Variants in ST7 observed in about 807,000 individuals in gnomAD.
The protein encoded by ST7 is suppressor of tumorigenicity 7 protein.
ST7 carries 28 observed loss-of-function variants against 78.7 expected under a neutral mutation model. The ratio of observed to expected loss-of-function variants is 0.36; its 90% CI spans 0.26 to 0.49. The LOEUF (loss-of-function observed/expected upper bound fraction) is 0.49. Among genes scored for constraint, ST7 ranks in the 20% least tolerant of loss-of-function variants. ST7 has a pLI of 0.99. For synonymous variants in ST7, 247 were observed against 249.6 expected, an observed-to-expected ratio of 0.99 and a Z score of 0.10; for missense variants, 418 against 696.0, an observed-to-expected ratio of 0.60 and a Z score of 4.49.
chr7:117,057,551 C>A (rs543876401), intron 1 of ST7, among the ~76,000 whole-genome samples: 31 of 152,254 alleles, frequency 2.0e-4, no homozygotes, highest in Non-Finnish European at 3.1e-4. Context: ...GAGTTATGTG[C>A]TAACGTGTTT....
chr7:117,074,433 C>A (rs983820674), intron 1 of ST7, among the ~76,000 whole-genome samples: 4 of 152,066 alleles, frequency 2.6e-5, no homozygotes, highest in Non-Finnish European at 5.9e-5. Context: ...GTTTAGATAG[C>A]GGATCTTTTC....
chr7:117,018,111 G>A lies in ST7; in HGVS notation c.151+64420G>A, dbSNP rs146485477. Among the ~76,000 whole-genome samples the A allele has an allele frequency of 4.5e-3, 689 of 152,172 alleles. 3 individuals are homozygous for A. Among genetic ancestry groups the A allele is most frequent in the Non-Finnish European group, 7.4e-3 (500 of 67,978 alleles). ...ACAAAAGGAGCAACATAAATGAGTC[G>A]GCAAAGCAGTTATTACATGTAGACC... On this transcript the variant is annotated intron_variant, in intron 1 of 15. Transcript: ENST00000323984.
In ST7 at chr7:117,089,904, AC is replaced by A. The variant is rs78107304; in HGVS notation, c.152-9857del. Among the ~76,000 whole-genome samples the A allele has an allele frequency of 9.3e-3, 1,422 of 152,278 alleles. 59 individuals are homozygous for A. Among genetic ancestry groups the A allele is most frequent in the Admixed American group, 0.069 (1,062 of 15,298 alleles). ...TTTTAAAAAACTTTCTTGCATGCTA[AC>A]ACAGTACTGTAGTTTACATTCATTT... On this transcript the variant is annotated intron_variant, in intron 1 of 15. Transcript: ENST00000323984.
At chr7:117,172,890 T>C (rs1808102565) in intron 10 of ST7, among the ~76,000 whole-genome samples, 1 of 152,224 alleles carries the variant, frequency 6.6e-6, no homozygotes, top group Non-Finnish European at 1.5e-5. Flanking sequence ...TTCATGAAGA[T>C]CTCCATTTGT....
intron 1 of ST7, among the ~76,000 whole-genome samples, chr7:116,983,429 A>T (rs753281598): frequency 5.9e-5 from 9 of 151,968 alleles, no homozygotes; most frequent in Non-Finnish European, 1.2e-4. Flanking sequence ...TCTGGCTCTG[A>T]TATCACATGC....
chr7:117,021,866 T>C (rs1250196916), intron 1 of ST7, among the ~76,000 whole-genome samples: 1 of 152,214 alleles, frequency 6.6e-6, no homozygotes, highest in African/African-American at 2.4e-5. Context: ...TAATGGTACA[T>C]TTAGAATTGG....
At chr7:117,204,526 A>T (rs184359642) in intron 12 of ST7, among the ~76,000 whole-genome samples, 7 of 152,272 alleles carry the variant, frequency 4.6e-5, no homozygotes, top group Admixed American at 3.9e-4. Flanking sequence ...TGTCTACCTC[A>T]TTCTCCATCA....
At chr7:116,995,823 A>G (rs1794626248) in intron 1 of ST7, among the ~76,000 whole-genome samples, 1 of 152,168 alleles carries the variant, frequency 6.6e-6, no homozygotes, top group African/African-American at 2.4e-5. Context: ...GAAAACGTCA[A>G]TTTTTATATG....
intron 1 of ST7, among the ~76,000 whole-genome samples, chr7:116,962,005 A>T (rs748282617): frequency 3.3e-5 from 5 of 150,650 alleles, no homozygotes; most frequent in Admixed American, 6.6e-5. Flanking sequence ...CTCATTGTTC[A>T]ACTCTGACTT....
At chr7:117,204,037 C>T (rs1386258694) in intron 12 of ST7, among the ~76,000 whole-genome samples, 1 of 152,126 alleles carries the variant, frequency 6.6e-6, no homozygotes, top group Non-Finnish European at 1.5e-5. Context: ...CTGAAATCAC[C>T]AGGTTTAATT....
At chr7:116,954,207 C>G (rs1251985078) in intron 1 of ST7, 1 of 151,686 alleles carries the variant, frequency 6.6e-6, no homozygotes. Flanking sequence ...GCGGCGAAGC[C>G]CCCTGACCCG....
rs79340475 is a variant in ST7 at position 117,200,026 on chromosome 7, C to T, written c.1254+9090C>T. ...AGCCTTGGCTGATAGGAAATCCTGA[C>T]CTGGTCATTATCACCAAGGAGGGCT... On this transcript the variant is annotated intron_variant, in intron 12 of 15. Transcript: ENST00000323984. 3.5e-3 allele frequency among the ~76,000 whole-genome samples: 535 copies of T among 152,206 alleles called. 1 individual carries two copies. The highest frequency in any genetic ancestry group is 0.012 in the African/African-American group (498 of 41,534).
At chr7:116,982,879 A>G (rs1018742897) in intron 1 of ST7, among the ~76,000 whole-genome samples, 1 of 152,082 alleles carries the variant, frequency 6.6e-6, no homozygotes, top group Non-Finnish European at 1.5e-5. Flanking sequence ...ATATAGATCT[A>G]TGCACTTTTA....
rs144481302 is a variant in ST7 at position 117,041,578 on chromosome 7, T to G, written c.152-58184T>G. ...TGCTTTATTACTTTTGACATCTATC[T>G]TATATATCTATATATAAGATCACTT... On this transcript the variant is annotated intron_variant, in intron 1 of 15. Coordinates refer to ENST00000323984, the MANE Select transcript of ST7 (RefSeq NM_001369598.1). Among the ~76,000 whole-genome samples, 780 of 152,334 alleles carry G rather than the reference T, an allele frequency of 5.1e-3. 6 individuals carry two copies. Among genetic ancestry groups the G allele is most frequent in the African/African-American group, 0.018 (740 of 41,574 alleles).
At chr7:116,955,054 C>A in intron 1 of ST7, 4 of 466,008 alleles carry the variant, frequency 8.6e-6, no homozygotes, top group South Asian at 6.3e-5. Context: ...AGGTGCTGCT[C>A]AGCCCTTTTG....
intron 1 of ST7, among the ~76,000 whole-genome samples, chr7:117,016,262 C>A (rs1795610224): frequency 6.6e-6 from 1 of 151,998 alleles, no homozygotes; most frequent in South Asian, 2.1e-4. Context: ...TTCCAGGGCT[C>A]TGAAATAAAA....
chr7:117,152,357 A>T (rs1276288135), intron 9 of ST7, among the ~76,000 whole-genome samples: 1 of 151,508 alleles, frequency 6.6e-6, no homozygotes, highest in Non-Finnish European at 1.5e-5. Context: ...GTGTTTAATT[A>T]CATAAGGCTA....
chr7:117,051,945 G>C (rs758176784), intron 1 of ST7, among the ~76,000 whole-genome samples: 8 of 152,194 alleles, frequency 5.3e-5, no homozygotes, highest in Non-Finnish European at 8.8e-5. Context: ...CCTTAGCAGA[G>C]TCTAGCCACC....
In ST7 at chr7:117,170,883, C is replaced by T; in HGVS notation, c.985C>T (p.Leu329=). 1.9e-6 allele frequency: 3 copies of T among 1,603,712 alleles called. No individual in the cohort carries two copies. The highest frequency in any genetic ancestry group is 2.6e-6 in the Non-Finnish European group (3 of 1,174,494). The part of the protein sequence containing the change: ...MRDLMKEFPL[L]SMFNIHENLL... ...CTAGTTAATGAAGGAGTTCCCCCTTCTGAGTATGTTCAATATCCATGAAAA... is the reference window on the plus strand; with the variant it reads ...CTAGTTAATGAAGGAGTTCCCCCTTTTGAGTATGTTCAATATCCATGAAAA... The change falls in exon 10 of 16, where the codon CTG becomes TTG. Residue 329 remains leucine, a synonymous_variant. Coordinates refer to ENST00000323984, the MANE Select transcript of ST7 (RefSeq NM_001369598.1).
Sources: gnomAD v4.1 joint callset for allele counts (sites outside exome capture counted in the v4.1 genomes callset) on GRCh38, gnomAD v4.1.1 for gene constraint, MANE v1.5 for transcripts, NCBI Gene and HGNC (gene_info 2026-07-23, HGNC 2026-07-21) for gene names.